Variants in SNX7 observed in about 807,000 individuals in gnomAD.
SNX7 encodes sorting nexin-7.
Under a neutral mutation model 48.4 loss-of-function variants are expected in SNX7, and 35 were observed. The observed-to-expected ratio is 0.72, with a 90% CI of 0.55 to 0.96. The LOEUF (loss-of-function observed/expected upper bound fraction) is 0.96, where lower values mean the gene tolerates loss of function less well. SNX7 is among the 40% of genes least tolerant of loss of function. SNX7 has a pLI of 0.00. For synonymous variants in SNX7, 190 were observed against 190.2 expected (o/e 1.00, Z 0.01); for missense variants, 553 against 548.9 (o/e 1.01, Z -0.07).
chr1:98,717,507 C>T (rs1055936840), intron 7 of SNX7, among the ~76,000 whole-genome samples: 1 of 152,140 alleles, frequency 6.6e-6, no homozygotes, highest in African/African-American at 2.4e-5. Flanking sequence ...TTACCCGTTG[C>T]AGAAACCGCT....
intron 7 of SNX7, among the ~76,000 whole-genome samples, chr1:98,723,958 C>A (rs969092933): frequency 9.8e-6 from 1 of 101,988 alleles, no homozygotes; most frequent in Admixed American, 9.7e-5. Context: ...TCATTGTTAG[C>A]TGGCAAAAAA....
chr1:98,756,683 C>G (rs956826102), intron 8 of SNX7, among the ~76,000 whole-genome samples: 2 of 151,830 alleles, frequency 1.3e-5, no homozygotes, highest in African/African-American at 4.8e-5. Context: ...GCTTTCCATG[C>G]ACCACTCTCT....
chr1:98,710,274 A>G (rs571941377), intron 7 of SNX7, among the ~76,000 whole-genome samples: 37 of 152,302 alleles, frequency 2.4e-4, no homozygotes, highest in Middle Eastern at 3.4e-3. Flanking sequence ...TAGAACATAA[A>G]AATGTACAGT....
At chr1:98,738,149 T>C in intron 7 of SNX7, 88 bp from the exon 8 acceptor site, 1 of 1,350,908 alleles carries the variant, frequency 7.4e-7, no homozygotes. Context: ...TTAGGCTGTT[T>C]TGGTATTTTG....
intron 1 of SNX7, among the ~76,000 whole-genome samples, chr1:98,681,934 C>G (rs1440049431): frequency 6.6e-6 from 1 of 152,132 alleles, no homozygotes; most frequent in African/African-American, 2.4e-5. Context: ...AGCTTACTCT[C>G]AATAAGTAAA....
intron 7 of SNX7, among the ~76,000 whole-genome samples, chr1:98,704,072 TAA>T (rs898053946): frequency 6.9e-6 from 1 of 144,920 alleles, no homozygotes. Context: ...CCAACTCAGT[TAA>T]AAAAAAAAAA....
At chr1:98,731,597 A>G (rs1014729586) in intron 7 of SNX7, among the ~76,000 whole-genome samples, 4 of 152,082 alleles carry the variant, frequency 2.6e-5, no homozygotes, top group African/African-American at 9.7e-5. Context: ...TCATTGTGTG[A>G]CTATTGTAGA....
intron 7 of SNX7, among the ~76,000 whole-genome samples, chr1:98,712,814 G>T (rs1212162024): frequency 6.6e-6 from 1 of 151,986 alleles, no homozygotes; most frequent in Non-Finnish European, 1.5e-5. Context: ...TTTGTCAGCT[G>T]GGCACAGTGG....
At chr1:98,691,967 T>TCC (rs1491314139) in intron 4 of SNX7, among the ~76,000 whole-genome samples, 1 of 149,688 alleles carries the variant, frequency 6.7e-6, no homozygotes, top group African/African-American at 2.5e-5. Flanking sequence ...TCTCTCTCTC[T>TCC]AATGTTTTTA....
intron 7 of SNX7, among the ~76,000 whole-genome samples, chr1:98,704,432 AT>A (rs1651914809): frequency 6.6e-6 from 1 of 152,202 alleles, no homozygotes. Flanking sequence ...GGAACTGTTT[AT>A]ATTTTCAAAT....
At chr1:98,697,734 A>T (rs1400535517) in intron 5 of SNX7, among the ~76,000 whole-genome samples, 3 of 152,160 alleles carry the variant, frequency 2.0e-5, no homozygotes, top group Non-Finnish European at 2.9e-5. Context: ...GAGTTATAAG[A>T]CATCTATAAT....
At chr1:98,668,838 T>C (rs1466203999) in intron 1 of SNX7, among the ~76,000 whole-genome samples, 2 of 152,208 alleles carry the variant, frequency 1.3e-5, no homozygotes, top group Non-Finnish European at 2.9e-5. Context: ...CTAATTAAAG[T>C]TTCCAAAATG....
At chr1:98,687,974 G>A (rs574344981) in intron 2 of SNX7, among the ~76,000 whole-genome samples, 4 of 152,086 alleles carry the variant, frequency 2.6e-5, no homozygotes, top group Non-Finnish European at 5.9e-5. Flanking sequence ...ACCTGGCCCC[G>A]CCCTTGACAC....
At chr1:98,733,446 C>A (rs184825470) in intron 7 of SNX7, among the ~76,000 whole-genome samples, 1 of 152,084 alleles carries the variant, frequency 6.6e-6, no homozygotes, top group Admixed American at 6.6e-5. Flanking sequence ...TGTGAAAAGA[C>A]GAACAACCTG....
intron 7 of SNX7, among the ~76,000 whole-genome samples, chr1:98,716,577 T>C (rs972853539): frequency 2.0e-5 from 3 of 152,142 alleles, no homozygotes; most frequent in African/African-American, 7.2e-5. Flanking sequence ...TAGGGGGTGA[T>C]GATGGCATAA....
At chr1:98,680,008 C>CT (rs1440814683) in intron 1 of SNX7, among the ~76,000 whole-genome samples, 1 of 152,206 alleles carries the variant, frequency 6.6e-6, no homozygotes, top group Non-Finnish European at 1.5e-5. Flanking sequence ...CCACATTTCC[C>CT]TTTTGTACTG....
chr1:98,703,638 C>T (rs1651865074), intron 7 of SNX7, among the ~76,000 whole-genome samples: 1 of 151,254 alleles, frequency 6.6e-6, no homozygotes, highest in African/African-American at 2.4e-5. Flanking sequence ...ACTCCTAACA[C>T]TCTTTCTATA....
At chr1:98,737,464 C>G (rs112571225) in intron 7 of SNX7, among the ~76,000 whole-genome samples, 1 of 152,076 alleles carries the variant, frequency 6.6e-6, no homozygotes, top group East Asian at 1.9e-4. Context: ...TACTGAATCT[C>G]CAGGTCTTAG....
At chr1:98,746,813 T>C (rs1388465939) in intron 8 of SNX7, among the ~76,000 whole-genome samples, 1 of 152,088 alleles carries the variant, frequency 6.6e-6, no homozygotes, top group East Asian at 1.9e-4. Context: ...ATCTTCTATG[T>C]TATTGATAAG....
Sources: gnomAD v4.1 joint callset for allele counts (sites outside exome capture counted in the v4.1 genomes callset) on GRCh38, gnomAD v4.1.1 for gene constraint, MANE v1.5 for transcripts, NCBI Gene and HGNC (gene_info 2026-07-23, HGNC 2026-07-21) for gene names.